The following LRP1 variants were observed in gnomAD, a reference collection of about 807,000 sequenced individuals.
LRP1 encodes the protein LDL receptor related protein 1.
In LRP1, 51 loss-of-function variants were observed where a neutral mutation model predicts 541.5. The ratio of observed to expected loss-of-function variants is 0.09; its 90% CI spans 0.08 to 0.12. LRP1 has a LOEUF of 0.12. LRP1 is among the 10% of genes least tolerant of loss of function. LRP1 has a pLI of 1.00. For synonymous variants in LRP1, 2,219 were observed against 2,470.8 expected (o/e 0.90, Z 3.02); for missense variants, 3,878 against 6,376.2 (o/e 0.61, Z 13.34).
chr12:57,157,989 T>C (rs1265069601), intron 10 of LRP1, among the ~76,000 whole-genome samples: 1 of 152,146 alleles, frequency 6.6e-6, no homozygotes, highest in East Asian at 1.9e-4. Context: ...GGATGGGCAG[T>C]AGGGAAGTAG....
At position 57,211,173 on chromosome 12, in the gene LRP1, C is replaced by T. The variant is rs1255104383; in HGVS notation, c.12917-3C>T. The stretch of plus-strand genomic sequence containing the variant: ...AGGCACTTCTCTCCCTCCCCAACCA[C>T]AGGGCAGTGCTCTGGCTACTGTGAG... On this transcript the variant is annotated splice_polypyrimidine_tract_variant and splice_region_variant and intron_variant, in intron 83 of 88. Transcript: ENST00000243077. The surrounding 1 kb of genome is among the most constrained non-coding windows in gnomAD (Gnocchi z 4.3). 5 of 1,613,650 alleles carry T rather than the reference C, an allele frequency of 3.1e-6. No homozygotes were observed. Among genetic ancestry groups the T allele is most frequent in the Non-Finnish European group, 4.2e-6 (5 of 1,179,736 alleles).
intron 6 of LRP1, among the ~76,000 whole-genome samples, chr12:57,151,854 T>G (rs1482398133): frequency 6.6e-6 from 1 of 152,064 alleles, no homozygotes; most frequent in Admixed American, 6.5e-5. Context: ...AATCTGAACT[T>G]TAGGAGAGAG....
chr12:57,129,217 C>A, intron 1 of LRP1, 186 bp downstream of exon 1: 1 of 610,292 alleles, frequency 1.6e-6, no homozygotes. Context: ...GGGCCCTGGG[C>A]AAATGATGCT....
At chr12:57,175,741 G>C in intron 23 of LRP1, 36 bp downstream of exon 23, 1 of 1,550,714 alleles carries the variant, frequency 6.4e-7, no homozygotes, top group Non-Finnish European at 8.7e-7. Context: ...GGCAGGCCGA[G>C]GCAGGCCTCT....
At chr12:57,150,008 C>T (rs1445727454) in intron 6 of LRP1, 1 of 497,428 alleles carries the variant, frequency 2.0e-6, no homozygotes, top group East Asian at 3.4e-5. Context: ...GATGTCCCAG[C>T]TCTAGAACAA....
chr12:57,178,931 T>A lies in LRP1; in HGVS notation c.4648T>A (p.Ser1550Thr). ...GGCCAATGGGGGCCAGGGCCCCTGC[T>A]CCCACCTGTGTCTCATCAACTACAA... ...CEANGGQGPC[S>T]HLCLINYNRT... The change falls in exon 28 of 89, where the codon TCC becomes ACC. Residue 1550 changes from serine (S) to threonine (T), a missense_variant. Coordinates refer to ENST00000243077, the MANE Select transcript of LRP1 (RefSeq NM_002332.3). The surrounding 1 kb of genome is among the most constrained non-coding windows in gnomAD (Gnocchi z 5.8). The A allele has an allele frequency of 6.2e-7, 1 of 1,613,950 alleles. No homozygotes were observed. The highest frequency in any genetic ancestry group is 1.1e-5 in the South Asian group (1 of 91,078).
chr12:57,191,048 G>C, intron 43 of LRP1, 39 bp downstream of exon 43: 1 of 1,570,088 alleles, frequency 6.4e-7, no homozygotes, highest in Non-Finnish European at 8.6e-7. Context: ...GGCGGCTGAG[G>C]GGAGGCCAGG....
intron 43 of LRP1, 63 bp downstream of exon 43, chr12:57,191,072 G>A: frequency 7.3e-6 from 11 of 1,508,948 alleles, no homozygotes; most frequent in South Asian, 3.5e-5. Context: ...AGGGTCAGCC[G>A]TCAACCAAGA....
chr12:57,187,319 T>C lies in LRP1; in HGVS notation c.6894T>C (p.Tyr2298=), dbSNP rs772126722. ...ATCACCGTGGCTGGGACACTCTCTATTGGACAAGCTACACGACATCCACCA... is the reference window on the plus strand; with the variant it reads ...ATCACCGTGGCTGGGACACTCTCTACTGGACAAGCTACACGACATCCACCA... ...LAYHRGWDTL[Y]WTSYTTSTIT... is the part of the protein sequence containing the mutation. Residue 2298 remains tyrosine, a synonymous_variant, in exon 42 of 89, where the codon TAT becomes TAC. Transcript: ENST00000243077. 5 of 1,613,978 alleles carry C rather than the reference T, an allele frequency of 3.1e-6. No homozygotes were observed. Among genetic ancestry groups the C allele is most frequent in the Admixed American group, 1.7e-5 (1 of 59,996 alleles).
Position 57,162,706 on chromosome 12 carries a change from T to C in LRP1, c.2405-152T>C. 9.5e-7 allele frequency: 1 copy of C among 1,056,566 alleles called. No individual in the cohort carries two copies. Among genetic ancestry groups the C allele is most frequent in the Non-Finnish European group, 1.4e-6 (1 of 730,118 alleles). 65.4% of individuals were successfully genotyped at this position (1,056,566 alleles called of 1,614,324 possible). A position where few individuals can be genotyped will look rare whatever the true frequency, so the allele number is the denominator to read the frequency against. On this transcript the variant is annotated intron_variant, in intron 14 of 88. Coordinates refer to ENST00000243077, the MANE Select transcript of LRP1 (RefSeq NM_002332.3). The surrounding 1 kb of genome is among the most constrained non-coding windows in gnomAD (Gnocchi z 5.2). The stretch of plus-strand genomic sequence containing the variant: ...GTTCCCCATTTCCCTTCCTGCCCCA[T>C]GTCTGTGTCTCCTGTTCTTCAACAT...
At chr12:57,135,335 T>A (rs566304543) in intron 1 of LRP1, among the ~76,000 whole-genome samples, 1 of 152,138 alleles carries the variant, frequency 6.6e-6, no homozygotes, top group South Asian at 2.1e-4. Context: ...AAAGGTGGGT[T>A]TTCTGGGTGC....
chr12:57,193,723 AG>A, intron 47 of LRP1, 38 bp downstream of exon 47: 1 of 1,613,874 alleles, frequency 6.2e-7, no homozygotes, highest in Non-Finnish European at 8.5e-7. Flanking sequence ...TCTGTACCTC[AG>A]TTCCTGCCCC....
At position 57,156,789 on chromosome 12, in the gene LRP1, C is replaced by T. The variant is rs746567808; in HGVS notation, c.1430C>T (p.Ala477Val). Residue 477 changes from alanine to valine, a missense_variant, in exon 10 of 89, where the codon GCC becomes GTC. This residue lies in a region of LRP1 where 496 missense variants were observed against 861.0 expected (regional missense o/e 0.58). Coordinates refer to ENST00000243077, the MANE Select transcript of LRP1 (RefSeq NM_002332.3). This position sits in a 1 kb window ranked among gnomAD's most constrained non-coding sequence, Gnocchi z 5.2. The part of the protein sequence containing the change: ...QRRQPRVRSH[A>V]CENDQYGKPG... Reference sequence around the variant, plus strand: ...ACCCTGCCCCCAGTGAGGAGCCATGCCTGTGAAAACGACCAGTATGGGAAG... The same window carrying T: ...ACCCTGCCCCCAGTGAGGAGCCATGTCTGTGAAAACGACCAGTATGGGAAG... The T allele has an allele frequency of 2.5e-6, 4 of 1,608,616 alleles. No individual in the cohort carries two copies. In the Admixed American group the frequency reaches 6.7e-5, roughly 27 times the overall value.
At chr12:57,135,248 G>C (rs567606823) in intron 1 of LRP1, among the ~76,000 whole-genome samples, 1 of 152,210 alleles carries the variant, frequency 6.6e-6, no homozygotes, top group Non-Finnish European at 1.5e-5. Flanking sequence ...TCTCTCATGC[G>C]GGCCAGGAGG....
At position 57,199,295 on chromosome 12, in the gene LRP1, A is replaced by G. The variant is rs1379080462; in HGVS notation, c.9760A>G (p.Ile3254Val). ...VYWTDWETKS[I>V]NRAHKTTGTN... is the part of the protein sequence containing the mutation. ...CTGGACCGACTGGGAAACAAAGTCC[A>G]TTAACCGAGCCCACAAGACCACGGG... The change falls in exon 61 of 89, where the codon ATT becomes GTT. Residue 3254 changes from isoleucine to valine, a missense_variant. By Grantham distance (29) the Ile-to-Val change is conservative (BLOSUM62 3). This residue lies in a region of LRP1 where 1,100 missense variants were observed against 1,827.4 expected (regional missense o/e 0.60). Coordinates refer to ENST00000243077, the MANE Select transcript of LRP1 (RefSeq NM_002332.3). 5 of 1,613,800 alleles carry G rather than the reference A, an allele frequency of 3.1e-6. No homozygotes were observed. Among genetic ancestry groups the G allele is most frequent in the East Asian group, 2.2e-5 (1 of 44,894 alleles).
At chr12:57,144,002 T>G (rs1279888165) in intron 4 of LRP1, among the ~76,000 whole-genome samples, 1 of 152,218 alleles carries the variant, frequency 6.6e-6, no homozygotes, top group Non-Finnish European at 1.5e-5. Context: ...CACCTTAAAA[T>G]TATAGTTTAT....
intron 22 of LRP1, among the ~76,000 whole-genome samples, chr12:57,175,184 G>A (rs1221384548): frequency 1.3e-5 from 2 of 152,088 alleles, no homozygotes; most frequent in African/African-American, 4.8e-5. Context: ...AACATATCGA[G>A]ACCAGACAGA....
At chr12:57,163,162 T>G (rs1592622347) in intron 15 of LRP1, among the ~76,000 whole-genome samples, 179 bp downstream of exon 15, 1 of 150,184 alleles carries the variant, frequency 6.7e-6, no homozygotes, top group Non-Finnish European at 1.5e-5. Flanking sequence ...TAGGAGGGAG[T>G]TTAGGGAAGA....
In LRP1 at chr12:57,165,461, A is replaced by C. The variant is rs2035820214; in HGVS notation, c.2531-344A>C. ...GGGCAGGGCCCTGGGGTTCCCGGAG[A>C]TGACTTCCAAGGGGAAGTTCATGGA... On this transcript the variant is annotated intron_variant, in intron 15 of 88. Transcript: ENST00000243077. The surrounding 1 kb of genome is among the most constrained non-coding windows in gnomAD (Gnocchi z 4.5). The C allele has an allele frequency of 4.8e-6, 1 of 209,772 alleles. No individual in the cohort carries two copies. The highest frequency in any genetic ancestry group is 5.2e-5 in the Admixed American group (1 of 19,214). The allele number at this position is 209,772 out of a possible 1,614,324, so 13.0% of individuals were successfully genotyped here.
Sources: gnomAD v4.1 joint callset for allele counts (sites outside exome capture counted in the v4.1 genomes callset) on GRCh38, gnomAD v4.1.1 for gene constraint, gnomAD v4.1.1 regional missense constraint, Gnocchi (gnomAD v3.1) non-coding constraint, MANE v1.5 for transcripts, NCBI Gene and HGNC (gene_info 2026-07-23, HGNC 2026-07-21) for gene names.